RGPD4: variants seen among roughly 807,000 people sequenced by gnomAD.
The protein encoded by RGPD4 is RANBP2 like and GRIP domain containing 4.
A neutral mutation model predicts 141.1 loss-of-function variants in RGPD4; 84 were observed. The ratio of observed to expected loss-of-function variants is 0.60; its 90% CI spans 0.50 to 0.71. The LOEUF (loss-of-function observed/expected upper bound fraction) is 0.71. Ranked by LOEUF, RGPD4 falls within the 30% of genes least tolerant of loss-of-function variation. RGPD4 has a pLI of 0.00. For missense variants in RGPD4, 918 were observed against 1,622.4 expected (o/e 0.57, Z 7.46); for synonymous variants, 298 against 566.8 (o/e 0.53, Z 6.74).
chr2:107,878,567 T>C (rs1390857367), intron 20 of RGPD4, among the ~76,000 whole-genome samples: 1 of 150,628 alleles, frequency 6.6e-6, no homozygotes, highest in Non-Finnish European at 1.5e-5. Context: ...CATATGCTTT[T>C]TTGGGCTGCT....
chr2:107,854,006 C>T (rs1042841637), intron 7 of RGPD4, among the ~76,000 whole-genome samples: 1 of 147,330 alleles, frequency 6.8e-6, no homozygotes, highest in Non-Finnish European at 1.5e-5. Context: ...ACCTTGGCCT[C>T]CCAAAGTGCT....
intron 6 of RGPD4, among the ~76,000 whole-genome samples, chr2:107,846,929 CAT>C (rs1189907895): frequency 6.6e-6 from 1 of 150,852 alleles, no homozygotes; most frequent in Non-Finnish European, 1.5e-5. Flanking sequence ...AAAACTATTA[CAT>C]GTCATGAAGC....
intron 1 of RGPD4, among the ~76,000 whole-genome samples, chr2:107,835,685 T>C (rs1461622271): frequency 0.037 from 5,074 of 137,034 alleles, 242 homozygotes; most frequent in African/African-American, 0.13. Flanking sequence ...GAGAGAGTGG[T>C]ACCACAGGGT....
At position 107,869,062 on chromosome 2, in the gene RGPD4, A is replaced by T. The variant is rs1329112913; in HGVS notation, c.2606-821A>T. ...ATCCTCACCTCTGTAAGGTTTCCAA[A>T]ATCAAACTTGGGCTTCTGGCTAGCC... is the stretch of plus-strand genomic sequence containing the variant. On this transcript the variant is annotated intron_variant, in intron 18 of 22. Coordinates refer to ENST00000408999, the MANE Select transcript of RGPD4 (RefSeq NM_182588.3). Among the ~76,000 whole-genome samples the T allele has an allele frequency of 6.7e-5, 4 of 59,498 alleles. 2 individuals carry two copies. The highest frequency in any genetic ancestry group is 1.4e-4 in the Non-Finnish European group (4 of 27,842). 39.0% of individuals were successfully genotyped at this position (59,498 alleles called of 152,430 possible). A position where few individuals can be genotyped will look rare whatever the true frequency, so the allele number is the denominator to read the frequency against.
At position 107,872,291 on chromosome 2, in the gene RGPD4, G is replaced by T; in HGVS notation, c.4287G>T (p.Trp1429Cys). ...NMKGTERVWV[W>C]TACDFADGER... ...AAGGGACAGAAAGAGTATGGGTGTGGACTGCATGTGATTTTGCAGATGGAG... is the reference window on the plus strand; with the variant it reads ...AAGGGACAGAAAGAGTATGGGTGTGTACTGCATGTGATTTTGCAGATGGAG... The change falls in exon 20 of 23, where the codon TGG becomes TGT. Residue 1429 changes from tryptophan (W) to cysteine (C), a missense_variant. By Grantham distance (215) the Trp-to-Cys change is radical. Transcript: ENST00000408999. 1.2e-6 allele frequency: 2 copies of T among 1,610,270 alleles called. No homozygotes were observed. Among genetic ancestry groups the T allele is most frequent in the South Asian group, 1.1e-5 (1 of 90,868 alleles).
intron 1 of RGPD4, among the ~76,000 whole-genome samples, chr2:107,834,195 T>C (rs1490700359): frequency 3.3e-5 from 5 of 151,294 alleles, no homozygotes; most frequent in South Asian, 2.1e-4. Flanking sequence ...AGCATACAAG[T>C]CTCTCACCTC....
At chr2:107,886,670 G>A (rs1376700730) in intron 22 of RGPD4, among the ~76,000 whole-genome samples, 1 of 152,042 alleles carries the variant, frequency 6.6e-6, no homozygotes, top group Non-Finnish European at 1.5e-5. Context: ...TCACACTAGG[G>A]GGGCATTTTG....
intron 9 of RGPD4, among the ~76,000 whole-genome samples, chr2:107,857,733 T>A (rs1422844167): frequency 1.3e-5 from 2 of 151,792 alleles, no homozygotes; most frequent in African/African-American, 4.9e-5. Context: ...GGCTCATATC[T>A]GTAATCCCAG....
chr2:107,858,397 C>CCTTTTCTTTTCTTTTCTTTT (rs76894491), intron 9 of RGPD4, among the ~76,000 whole-genome samples: 81 of 140,840 alleles, frequency 5.8e-4, no homozygotes, highest in South Asian at 4.9e-3. Flanking sequence ...AAGCACATAA[C>CCTTTTCTTTTCTTTTCTTTT]CTTTTCTTTT....
Position 107,833,267 on chromosome 2 carries a change from A to G in RGPD4, c.73-3335A>G, listed in dbSNP as rs184202291. 3.4e-3 allele frequency among the ~76,000 whole-genome samples: 520 copies of G among 152,318 alleles called. 5 individuals carry two copies. Among genetic ancestry groups the G allele is most frequent in the African/African-American group, 0.012 (480 of 41,550 alleles). ...AAAAAAGAGAGAAATTTAGAACTGC[A>G]TAATGAAAAAGTAGGCCACAAATGT... On this transcript the variant is annotated intron_variant, in intron 1 of 22. Coordinates refer to ENST00000408999, the MANE Select transcript of RGPD4 (RefSeq NM_182588.3).
At chr2:107,846,126 C>T (rs1348521845) in intron 6 of RGPD4, among the ~76,000 whole-genome samples, 1 of 144,698 alleles carries the variant, frequency 6.9e-6, no homozygotes, top group South Asian at 2.3e-4. Flanking sequence ...TGGGGTTTCA[C>T]TGTGTTAGCC....
At position 107,870,814 on chromosome 2, in the gene RGPD4, G is replaced by T. The variant is rs777646260; in HGVS notation, c.2810G>T (p.Ser937Ile). The T allele has an allele frequency of 1.7e-5, 27 of 1,606,184 alleles. 2 individuals are homozygous for T. The Admixed American group carries it at 4.5e-4, about 27-fold the overall frequency. The change falls in exon 20 of 23, where the codon AGT (serine) becomes ATT (isoleucine). Residue 937 changes from serine to isoleucine, a missense_variant. Physicochemically the swap from Ser to Ile is moderately radical, Grantham distance 142 (BLOSUM62 -2). Coordinates refer to ENST00000408999, the MANE Select transcript of RGPD4 (RefSeq NM_182588.3). ...ISEPGNQEKE[S>I]EKPLENDTGF... ...GAACCAGGAAATCAAGAAAAGGAAA[G>T]TGAAAAGCCTCTTGAAAATGATACT...
intron 21 of RGPD4, among the ~76,000 whole-genome samples, chr2:107,882,262 G>T (rs563563666): frequency 1.3e-5 from 2 of 149,710 alleles, no homozygotes; most frequent in African/African-American, 2.4e-5. Flanking sequence ...TCTGTTTCTC[G>T]TGAGAATTTC....
Position 107,857,315 on chromosome 2 carries a change from T to C in RGPD4, c.1276+346T>C, listed in dbSNP as rs553248252. ...CCATGCCCGGCTAATTTTTTTGTAG[T>C]TTTAGTAGAGACAGGGTTTCATCAT... On this transcript the variant is annotated intron_variant, in intron 9 of 22. Transcript: ENST00000408999. Among the ~76,000 whole-genome samples, 7 of 151,626 alleles carry C rather than the reference T, an allele frequency of 4.6e-5. No individual in the cohort carries two copies. In the South Asian group the frequency reaches 1.2e-3, roughly 27 times the overall value.
rs939227324 is a variant in RGPD4 at position 107,826,955 on chromosome 2, C to T, written c.-59C>T. The T allele has an allele frequency of 7.7e-6, 12 of 1,556,784 alleles. No individual in the cohort carries two copies. Among genetic ancestry groups the T allele is most frequent in the Non-Finnish European group, 5.2e-6 (6 of 1,151,322 alleles). On this transcript the variant is annotated 5_prime_UTR_variant, in exon 1 of 23. Coordinates refer to ENST00000408999, the MANE Select transcript of RGPD4 (RefSeq NM_182588.3). The stretch of plus-strand genomic sequence containing the variant: ...TCAGGCGCTTTCCTGTTGGAATTGG[C>T]GACTGCTGCGGGGCTGAGCGCTGGT...
intron 20 of RGPD4, among the ~76,000 whole-genome samples, chr2:107,878,187 T>C (rs1683145745): frequency 6.6e-6 from 1 of 151,544 alleles, no homozygotes; most frequent in Non-Finnish European, 1.5e-5. Flanking sequence ...ACTTAATTCC[T>C]CTACTCTTAT....
chr2:107,859,583 C>T lies in RGPD4; in HGVS notation c.1634+29C>T, dbSNP rs200725830. Reference sequence around the variant, plus strand: ...AGTAGTAAAACAAAAATATTGCTTTCACTTAGTGCGTAGGTTTTACCAGGG... The same window carrying T: ...AGTAGTAAAACAAAAATATTGCTTTTACTTAGTGCGTAGGTTTTACCAGGG... On this transcript the variant is annotated intron_variant, in intron 11 of 22. Transcript: ENST00000408999. 843 of 1,611,550 alleles carry T rather than the reference C, an allele frequency of 5.2e-4. 11 individuals are homozygous for T. The East Asian group carries it at 0.015, about 29-fold the overall frequency.
At chr2:107,888,332 T>G (rs1057017145) in intron 22 of RGPD4, among the ~76,000 whole-genome samples, 9 of 148,496 alleles carry the variant, frequency 6.1e-5, no homozygotes, top group Middle Eastern at 3.4e-3. Flanking sequence ...TCAAAAATCT[T>G]ATATTCAGCT....
intron 1 of RGPD4, among the ~76,000 whole-genome samples, chr2:107,834,097 CT>C (rs540935273): frequency 0.042 from 6,064 of 144,732 alleles, 408 homozygotes; most frequent in African/African-American, 0.14. Flanking sequence ...TGCTATAGTT[CT>C]TTTTTTTTTT....
Sources: allele counts gnomAD v4.1 joint callset (sites outside exome capture counted in the v4.1 genomes callset), GRCh38; gene constraint gnomAD v4.1.1; transcripts MANE v1.5; gene names NCBI Gene and HGNC (gene_info 2026-07-23, HGNC 2026-07-21).